Variants in STAT1 observed in about 807,000 individuals in gnomAD.
STAT1 encodes signal transducer and activator of transcription 1.
STAT1 carries 24 observed loss-of-function variants against 111.7 expected under a neutral mutation model. The ratio of observed to expected loss-of-function variants is 0.21; its 90% confidence interval spans 0.16 to 0.30. The LOEUF is 0.30. Among genes scored for constraint, STAT1 ranks in the 10% least tolerant of loss-of-function variants. The pLI is 1.00. For synonymous variants in STAT1, 332 were observed against 326.5 expected (o/e 1.02, Z -0.18); for missense variants, 351 against 911.9 (o/e 0.38, Z 7.92).
intron 2 of STAT1, 136 bp downstream of exon 2, chr2:191,013,389 T>TG (rs3215260): frequency 1.1e-5 from 4 of 365,046 alleles, no homozygotes; most frequent in Non-Finnish European, 4.9e-6. Context: ...TATTTTGGGG[T>TG]GGGGGGTCTG....
intron 2 of STAT1, among the ~76,000 whole-genome samples, chr2:191,011,453 G>A (rs1466850158): frequency 2.6e-5 from 4 of 152,138 alleles, no homozygotes; most frequent in Non-Finnish European, 4.4e-5. Flanking sequence ...AACTTGCTCT[G>A]TCATCCAGGT....
intron 2 of STAT1, 124 bp from the exon 3 acceptor site, chr2:191,010,128 G>T: frequency 1.7e-6 from 2 of 1,187,676 alleles, no homozygotes; most frequent in Non-Finnish European, 1.2e-6. Context: ...GTTTGTCCCA[G>T]GAATATTTTA....
chr2:190,981,471 A>G lies in STAT1; in HGVS notation c.1583-802T>C, dbSNP rs1692388175. Among the ~76,000 whole-genome samples the G allele has an allele frequency of 2.0e-5, 3 of 152,260 alleles. No individual in the cohort carries two copies. Among genetic ancestry groups the G allele is most frequent in the Admixed American group, 2.0e-4 (3 of 15,288 alleles). On this transcript the variant is annotated intron_variant, in intron 18 of 24. Transcript: ENST00000361099. This position sits in a 1 kb window ranked among gnomAD's most constrained non-coding sequence, Gnocchi z 4.1. ...CTGGGCGAGAAGAGGCGGTAAGCCC[A>G]TTATCGGTCTTCAAAGAGAACTACA...
In STAT1 at chr2:191,004,380, A is replaced by G. The variant is rs1299380579; in HGVS notation, c.372+3183T>C. On this transcript the variant is annotated intron_variant, in intron 5 of 24. Coordinates refer to ENST00000361099, the MANE Select transcript of STAT1 (RefSeq NM_007315.4). This position sits in a 1 kb window ranked among gnomAD's most constrained non-coding sequence, Gnocchi z 5.0. ...ACCTTGTTTGGATGGGAACTTGGTT[A>G]CTCCAGACCCCAGAGCAAAGAAAAG... 2.6e-5 allele frequency among the ~76,000 whole-genome samples: 4 copies of G among 152,088 alleles called. No homozygotes were observed. Among genetic ancestry groups the G allele is most frequent in the Admixed American group, 2.0e-4 (3 of 15,262 alleles).
intron 2 of STAT1, among the ~76,000 whole-genome samples, chr2:191,011,501 C>T (rs762133532): frequency 9.2e-5 from 14 of 152,198 alleles, no homozygotes; most frequent in Non-Finnish European, 1.9e-4. Flanking sequence ...TCACTGCAGC[C>T]TCCAACCCCT....
intron 4 of STAT1, 131 bp downstream of exon 4, chr2:191,008,832 T>G (rs1010911089): frequency 3.2e-6 from 3 of 924,508 alleles, no homozygotes; most frequent in Non-Finnish European, 4.9e-6. Flanking sequence ...GTAGAAAACA[T>G]AAATGGAGTT....
chr2:190,975,231 C>T lies in STAT1; in HGVS notation c.2136-299G>A. On this transcript the variant is annotated intron_variant, in intron 23 of 24. Transcript: ENST00000361099. This position sits in a 1 kb window ranked among gnomAD's most constrained non-coding sequence, Gnocchi z 5.9. Reference sequence around the variant, plus strand: ...AGGTGTGAGCATGTGCGGTGCACTACCCTGAGATGACAATGCCTCGTGGCT... The same window carrying T: ...AGGTGTGAGCATGTGCGGTGCACTATCCTGAGATGACAATGCCTCGTGGCT... 2.2e-6 allele frequency: 1 copy of T among 460,586 alleles called. No individual in the cohort carries two copies. Among genetic ancestry groups the T allele is most frequent in the Admixed American group, 2.8e-5 (1 of 35,604 alleles). 28.5% of individuals were successfully genotyped at this position (460,586 alleles called of 1,614,324 possible).
Position 191,001,085 on chromosome 2 carries a change from C to T in STAT1, c.451G>A (p.Asp151Asn), listed in dbSNP as rs866650146. ...TACTCAATACTCACCATAACCTTGT[C>T]CTTCACATTTCTGACTTTACTGTCA... Reference protein sequence around the residue: ...ELDSKVRNVKDKVMCIEHEIK... With the variant: ...ELDSKVRNVKNKVMCIEHEIK... Residue 151 changes from aspartate (D) to asparagine (N), a missense_variant, in exon 6 of 25, where the codon GAC becomes AAC. Coordinates refer to ENST00000361099, the MANE Select transcript of STAT1 (RefSeq NM_007315.4). The T allele has an allele frequency of 6.2e-7, 1 of 1,613,058 alleles. No individual in the cohort carries two copies. Among genetic ancestry groups the T allele is most frequent in the Middle Eastern group, 1.7e-4 (1 of 6,060 alleles).
rs549887510 is a variant in STAT1, at chr2:191,007,497, T to C, written c.372+66A>G. The C allele has an allele frequency of 3.4e-6, 4 of 1,178,518 alleles. No homozygotes were observed. Among genetic ancestry groups the C allele is most frequent in the Non-Finnish European group, 5.1e-6 (4 of 789,910 alleles). The allele number at this position is 1,178,518 out of a possible 1,614,324, so 73.0% of individuals were successfully genotyped here. On this transcript the variant is annotated intron_variant, in intron 5 of 24. Coordinates refer to ENST00000361099, the MANE Select transcript of STAT1 (RefSeq NM_007315.4). The surrounding 1 kb of genome is among the most constrained non-coding windows in gnomAD (Gnocchi z 4.2). ...ATCATTGCTTTGACATGGGCCCTAA[T>C]AGTATTTGATGAATGAATACATTTT...
rs772033315 is a variant in STAT1 at position 190,969,775 on chromosome 2, CTAAA to C, written c.*924_*927del. The C allele has an allele frequency of 7.9e-5, 12 of 152,126 alleles. No homozygotes were observed. The highest frequency in any genetic ancestry group is 1.3e-4 in the Non-Finnish European group (9 of 68,018). The allele number at this position is 152,126 out of a possible 1,614,324, so 9.4% of individuals were successfully genotyped here. ...CTTTCCCAATTTTGTGGCTAATAGA[CTAAA>C]TACCACCCTAATAACAAAAAGGACA... On this transcript the variant is annotated 3_prime_UTR_variant, in exon 25 of 25. Coordinates refer to ENST00000361099, the MANE Select transcript of STAT1 (RefSeq NM_007315.4).
chr2:191,011,208 A>G (rs45505203), intron 2 of STAT1, among the ~76,000 whole-genome samples: 56 of 152,222 alleles, frequency 3.7e-4, no homozygotes, highest in African/African-American at 1.4e-3. Flanking sequence ...ACCCAAGCCC[A>G]GCCCCTTGGC....
chr2:190,974,992 A>G lies in STAT1; in HGVS notation c.2136-60T>C, dbSNP rs1691794487. On this transcript the variant is annotated intron_variant, in intron 23 of 24. Coordinates refer to ENST00000361099, the MANE Select transcript of STAT1 (RefSeq NM_007315.4). The surrounding 1 kb of genome is among the most constrained non-coding windows in gnomAD (Gnocchi z 4.8). ...ATCTGAGTGATGAAAGCACTAGTGCATACTTACACACTTTATCTTTTGTCT... is the reference window on the plus strand; with the variant it reads ...ATCTGAGTGATGAAAGCACTAGTGCGTACTTACACACTTTATCTTTTGTCT... The G allele has an allele frequency of 3.4e-6, 4 of 1,190,474 alleles. No individual in the cohort carries two copies. Among genetic ancestry groups the G allele is most frequent in the Non-Finnish European group, 5.0e-6 (4 of 801,218 alleles). 73.7% of individuals were successfully genotyped at this position (1,190,474 alleles called of 1,614,324 possible). A position where few individuals can be genotyped will look rare whatever the true frequency, so the allele number is the denominator to read the frequency against.
Position 191,007,753 on chromosome 2 carries a change from T to C in STAT1, c.274-92A>G. 1.1e-6 allele frequency: 1 copy of C among 937,942 alleles called. No homozygotes were observed. The highest frequency in any genetic ancestry group is 1.7e-6 in the Non-Finnish European group (1 of 581,362). 58.1% of individuals were successfully genotyped at this position (937,942 alleles called of 1,614,324 possible). ...AGTTGATATGAATTTGTTTATATTC[T>C]CCGGGAAACCTCATCTCTCATCTAT... On this transcript the variant is annotated intron_variant, in intron 4 of 24. Transcript: ENST00000361099. The surrounding 1 kb of genome is among the most constrained non-coding windows in gnomAD (Gnocchi z 4.2).
In STAT1 at chr2:190,979,942, T is replaced by C; in HGVS notation, c.1633-76A>G. ...TTACCATGGCCCCTCCCACCATCAT[T>C]TGCAAAGACTCCCCAGGTGCCAAGG... is the stretch of plus-strand genomic sequence containing the variant. On this transcript the variant is annotated intron_variant, in intron 19 of 24. Coordinates refer to ENST00000361099, the MANE Select transcript of STAT1 (RefSeq NM_007315.4). The surrounding 1 kb of genome is among the most constrained non-coding windows in gnomAD (Gnocchi z 5.8). 1 of 958,492 alleles carries C rather than the reference T, an allele frequency of 1.0e-6. No homozygotes were observed. The highest frequency in any genetic ancestry group is 1.3e-5 in the South Asian group (1 of 74,898). The allele number at this position is 958,492 out of a possible 1,614,324, so 59.4% of individuals were successfully genotyped here.
Position 191,014,041 on chromosome 2 carries a change from C to A in STAT1, c.-179G>T. The A allele has an allele frequency of 5.4e-6, 1 of 185,038 alleles. No individual in the cohort carries two copies. The highest frequency in any genetic ancestry group is 1.1e-5 in the Non-Finnish European group (1 of 89,914). 11.5% of individuals were successfully genotyped at this position (185,038 alleles called of 1,614,324 possible). A position where few individuals can be genotyped will look rare whatever the true frequency, so the allele number is the denominator to read the frequency against. On this transcript the variant is annotated 5_prime_UTR_variant, in exon 1 of 25. Coordinates refer to ENST00000361099, the MANE Select transcript of STAT1 (RefSeq NM_007315.4). ...ACTCTGCGCGCAGGATCCGGAAGGGCTAGGCGGGGGCGCGGCGGTGCAGCC... is the reference window on the plus strand; with the variant it reads ...ACTCTGCGCGCAGGATCCGGAAGGGATAGGCGGGGGCGCGGCGGTGCAGCC...
In STAT1 at chr2:190,991,699, TTG is replaced by T. The variant is rs1442228469; in HGVS notation, c.945-381_945-380del. On this transcript the variant is annotated intron_variant, in intron 10 of 24. Transcript: ENST00000361099. ...CATAGTGAGACCGTATCTTTACAAT[TTG>T]TTTTTTTTTTTTTAATTAGCCAGGC... is the stretch of plus-strand genomic sequence containing the variant. 9.4e-4 allele frequency among the ~76,000 whole-genome samples: 135 copies of T among 143,588 alleles called. 1 individual carries two copies. The highest frequency in any genetic ancestry group is 8.7e-3 in the South Asian group (38 of 4,368). The allele number at this position is 143,588 out of a possible 152,430, so 94.2% of individuals were successfully genotyped here. A position where few individuals can be genotyped will look rare whatever the true frequency, so the allele number is the denominator to read the frequency against.
In STAT1 at chr2:190,984,542, T is replaced by TGTGC; in HGVS notation, c.1264-150_1264-149insGCAC. The TGTGC allele has an allele frequency of 1.4e-6, 1 of 697,270 alleles. No individual in the cohort carries two copies. Among genetic ancestry groups the TGTGC allele is most frequent in the Admixed American group, 2.4e-5 (1 of 42,512 alleles). The allele number at this position is 697,270 out of a possible 1,614,324, so 43.2% of individuals were successfully genotyped here. ...GACTCAATATTCAATCTCTCCCAGA[T>TGTGC]TTAATGATTCTTAGTATCTCAGTGT... On this transcript the variant is annotated intron_variant, in intron 15 of 24. Coordinates refer to ENST00000361099, the MANE Select transcript of STAT1 (RefSeq NM_007315.4). The surrounding 1 kb of genome is among the most constrained non-coding windows in gnomAD (Gnocchi z 5.2).
In STAT1 at chr2:190,979,639, G is replaced by T; in HGVS notation, c.1727+133C>A. On this transcript the variant is annotated intron_variant, in intron 20 of 24. Transcript: ENST00000361099. This position sits in a 1 kb window ranked among gnomAD's most constrained non-coding sequence, Gnocchi z 5.8. ...GGTTCTACTCTTCTGAAGCCCTGAA[G>T]GGGCAGCCTATAAATGCGCACTCCT... The T allele has an allele frequency of 1.4e-6, 1 of 722,414 alleles. No homozygotes were observed. 44.8% of individuals were successfully genotyped at this position (722,414 alleles called of 1,614,324 possible). A position where few individuals can be genotyped will look rare whatever the true frequency, so the allele number is the denominator to read the frequency against.
chr2:190,984,234 T>C lies in STAT1; in HGVS notation c.1347+76A>G. 1 of 1,230,138 alleles carries C rather than the reference T, an allele frequency of 8.1e-7. No individual in the cohort carries two copies. Among genetic ancestry groups the C allele is most frequent in the Non-Finnish European group, 1.2e-6 (1 of 839,438 alleles). 76.2% of individuals were successfully genotyped at this position (1,230,138 alleles called of 1,614,324 possible). A position where few individuals can be genotyped will look rare whatever the true frequency, so the allele number is the denominator to read the frequency against. On this transcript the variant is annotated intron_variant, in intron 16 of 24. Transcript: ENST00000361099. This position sits in a 1 kb window ranked among gnomAD's most constrained non-coding sequence, Gnocchi z 5.2. ...AGGTAAATACCTCCAGAACAAACACTGAGAAATAAAAATACATGTAACAAT... is the reference window on the plus strand; with the variant it reads ...AGGTAAATACCTCCAGAACAAACACCGAGAAATAAAAATACATGTAACAAT...
Sources: gnomAD v4.1 joint callset for allele counts (sites outside exome capture counted in the v4.1 genomes callset) on GRCh38, gnomAD v4.1.1 for gene constraint, Gnocchi (gnomAD v3.1) non-coding constraint, MANE v1.5 for transcripts, NCBI Gene and HGNC (gene_info 2026-07-23, HGNC 2026-07-21) for gene names.